The following ACOX3 variants were observed in gnomAD, a reference collection of about 807,000 sequenced individuals.
The protein encoded by ACOX3 is acyl-CoA oxidase 3, pristanoyl.
ACOX3 carries 73 observed loss-of-function variants against 81.5 expected under a neutral mutation model. That is an observed-to-expected ratio of 0.90 (90% CI 0.74 to 1.09). The LOEUF is 1.09. Ranked by LOEUF, ACOX3 falls within the 50% of genes least tolerant of loss-of-function variation. ACOX3 has a pLI of 0.00. For synonymous variants in ACOX3, 387 were observed against 375.1 expected (o/e 1.03, Z -0.37); for missense variants, 947 against 928.0 (o/e 1.02, Z -0.27).
At chr4:8,411,995 A>G (rs1721771418) in intron 5 of ACOX3, among the ~76,000 whole-genome samples, 1 of 152,186 alleles carries the variant, frequency 6.6e-6, no homozygotes, top group Non-Finnish European at 1.5e-5. Context: ...AATGCCAAAA[A>G]GAAGGAGGTG....
At position 8,414,820 on chromosome 4, in the gene ACOX3, C is replaced by A. The variant is rs776818766; in HGVS notation, c.453+34G>T. On this transcript the variant is annotated intron_variant, in intron 4 of 17. Coordinates refer to ENST00000356406, the MANE Select transcript of ACOX3 (RefSeq NM_003501.3). The surrounding 1 kb of genome is among the most constrained non-coding windows in gnomAD (Gnocchi z 6.1). The stretch of plus-strand genomic sequence containing the variant: ...TCTCTACAGAGATCAAGCAAGAGAA[C>A]CAGGCTCACAATTTACCATGAACCA... 1.3e-6 allele frequency: 2 copies of A among 1,594,576 alleles called. No homozygotes were observed. Among genetic ancestry groups the A allele is most frequent in the Admixed American group, 1.7e-5 (1 of 59,986 alleles).
rs1366793734 is a variant in ACOX3, at chr4:8,400,924, T to C, written c.777-1272A>G. On this transcript the variant is annotated intron_variant, in intron 7 of 17. Coordinates refer to ENST00000356406, the MANE Select transcript of ACOX3 (RefSeq NM_003501.3). This position sits in a 1 kb window ranked among gnomAD's most constrained non-coding sequence, Gnocchi z 4.4. ...ATGGTAACACATAATGAAATGATTA[T>C]ACAATTAGCCATAATGCAAAATTGC... Among the ~76,000 whole-genome samples the C allele has an allele frequency of 1.3e-5, 2 of 151,460 alleles. No homozygotes were observed. Among genetic ancestry groups the C allele is most frequent in the Non-Finnish European group, 1.5e-5 (1 of 67,960 alleles).
chr4:8,372,559 C>CATCGA (rs1716350071), intron 16 of ACOX3, among the ~76,000 whole-genome samples: 1 of 152,240 alleles, frequency 6.6e-6, no homozygotes, highest in East Asian at 1.9e-4. Context: ...AAAACCCCTC[C>CATCGA]CTGTGGCCAG....
Position 8,366,786 on chromosome 4 carries a change from G to C in ACOX3, c.*175C>G. ...CGATCCCAGATTAGTCCAGCCGGCC[G>C]GGTGCCTCCCTCCCGTCCGCCTGGG... On this transcript the variant is annotated 3_prime_UTR_variant, in exon 18 of 18. Transcript: ENST00000356406. The C allele has an allele frequency of 1.3e-6, 1 of 757,292 alleles. No homozygotes were observed. The highest frequency in any genetic ancestry group is 2.0e-6 in the Non-Finnish European group (1 of 491,854). The allele number at this position is 757,292 out of a possible 1,614,324, so 46.9% of individuals were successfully genotyped here.
Position 8,366,825 on chromosome 4 carries a change from T to C in ACOX3, c.*136A>G. 2 of 1,293,918 alleles carry C rather than the reference T, an allele frequency of 1.5e-6. No homozygotes were observed. The highest frequency in any genetic ancestry group is 4.2e-5 in the Admixed American group (2 of 47,772). The allele number at this position is 1,293,918 out of a possible 1,614,324, so 80.2% of individuals were successfully genotyped here. ...CGTCCGCCTGGGCAGTTGAGGCCAATCAGCAGTTTAGGCGCACAGGTGCGG... is the reference window on the plus strand; with the variant it reads ...CGTCCGCCTGGGCAGTTGAGGCCAACCAGCAGTTTAGGCGCACAGGTGCGG... On this transcript the variant is annotated 3_prime_UTR_variant, in exon 18 of 18. Coordinates refer to ENST00000356406, the MANE Select transcript of ACOX3 (RefSeq NM_003501.3).
chr4:8,417,377 G>A (rs1454504587), intron 1 of ACOX3, among the ~76,000 whole-genome samples: 2 of 152,254 alleles, frequency 1.3e-5, no homozygotes, highest in African/African-American at 2.4e-5. Flanking sequence ...CCTCTGTGCA[G>A]GGAGGTGGGA....
Position 8,430,256 on chromosome 4 carries a change from C to T in ACOX3, c.-15+10392G>A, listed in dbSNP as rs143865702. Among the ~76,000 whole-genome samples the T allele has an allele frequency of 1.2e-4, 18 of 152,320 alleles. No homozygotes were observed. Among genetic ancestry groups the T allele is most frequent in the African/African-American group, 3.6e-4 (15 of 41,562 alleles). ...GAAGGAAGGGACTGAAAGATCATTT[C>T]GGGCCTGGCAGGTACCCTGCTAAGC... On this transcript the variant is annotated intron_variant, in intron 1 of 17. Coordinates refer to ENST00000356406, the MANE Select transcript of ACOX3 (RefSeq NM_003501.3). The surrounding 1 kb of genome is among the most constrained non-coding windows in gnomAD (Gnocchi z 5.2).
At position 8,415,956 on chromosome 4, in the gene ACOX3, C is replaced by T. The variant is rs139211797; in HGVS notation, c.188G>A (p.Arg63His). The change falls in exon 3 of 18, where the codon CGT (arginine) becomes CAT (histidine). Residue 63 changes from arginine to histidine, a missense_variant. Arg to His is a conservative substitution (Grantham distance 29, BLOSUM62 0). Transcript: ENST00000356406. ...CAAGGACAGATCGGCTCCAGGGGAA[C>T]GAGCGAAAAGAGGGTCATTCTCAAG... ...SALENDPLFA[R>H]SPGADLSLEK... 1.1e-4 allele frequency: 170 copies of T among 1,614,130 alleles called. No homozygotes were observed. In the African/African-American group the frequency reaches 1.4e-3, roughly 13 times the overall value.
At chr4:8,360,961 C>T in the ACOX3 span, among the ~76,000 whole-genome samples, 2 of 152,084 alleles carry the variant, frequency 1.3e-5, no homozygotes, top group East Asian at 3.9e-4. Context: ...CCAAGGTTTT[C>T]ACCAAGAGTA....
chr4:8,408,406 G>A (rs543399147), intron 6 of ACOX3, among the ~76,000 whole-genome samples: 192 of 152,308 alleles, frequency 1.3e-3, no homozygotes, highest in Non-Finnish European at 1.9e-3. Context: ...GCAGGAGGCC[G>A]TGGCTCTGGG....
downstream of ACOX3, among the ~76,000 whole-genome samples, chr4:8,364,295 C>T (rs934164757): frequency 1.3e-5 from 2 of 152,350 alleles, no homozygotes; most frequent in African/African-American, 2.4e-5. This position sits in a 1 kb window ranked among gnomAD's most constrained non-coding sequence, Gnocchi z 5.0. Flanking sequence ...GGCTGTGTCA[C>T]AGGTCATAGT....
Position 8,414,746 on chromosome 4 carries a change from AGCATAAGCCCCCTGG to A in ACOX3, c.453+93_453+107del. On this transcript the variant is annotated intron_variant, in intron 4 of 17. Transcript: ENST00000356406. The surrounding 1 kb of genome is among the most constrained non-coding windows in gnomAD (Gnocchi z 6.1). ...CCTGAGAACACTAGGAAACAAGAAG[AGCATAAGCCCCCTGG>A]GCACCCCCTTCTACAATCTTCTCTT... 1 of 1,069,284 alleles carries A rather than the reference AGCATAAGCCCCCTGG, an allele frequency of 9.4e-7. No homozygotes were observed. The highest frequency in any genetic ancestry group is 1.3e-5 in the South Asian group (1 of 74,928). 66.2% of individuals were successfully genotyped at this position (1,069,284 alleles called of 1,614,324 possible).
rs1716075558 is a variant in ACOX3 at position 8,370,693 on chromosome 4, AGG to A, written c.1983+213_1983+214del. Among the ~76,000 whole-genome samples the A allele has an allele frequency of 6.6e-6, 1 of 152,116 alleles. No homozygotes were observed. Among genetic ancestry groups the A allele is most frequent in the Non-Finnish European group, 1.5e-5 (1 of 68,000 alleles). On this transcript the variant is annotated intron_variant, in intron 17 of 17. Transcript: ENST00000356406. This position sits in a 1 kb window ranked among gnomAD's most constrained non-coding sequence, Gnocchi z 6.3. ...CCCATCTCGGGAGGAAAAGGCAGGC[AGG>A]GGATGGGCAAGTCCCCTGCAACCAC...
chr4:8,361,997 C>A (rs1254410294), downstream of ACOX3, among the ~76,000 whole-genome samples: 2 of 152,214 alleles, frequency 1.3e-5, no homozygotes, highest in Non-Finnish European at 2.9e-5. Context: ...AAAATCATTG[C>A]ATGCCACAAA....
chr4:8,412,232 C>A (rs887516551), intron 5 of ACOX3, among the ~76,000 whole-genome samples: 1 of 152,232 alleles, frequency 6.6e-6, no homozygotes, highest in Non-Finnish European at 1.5e-5. Context: ...TCTCCTAGCC[C>A]CACTCTGAGA....
chr4:8,356,376 C>T, the ACOX3 span: 47 of 377,262 alleles, frequency 1.2e-4, no homozygotes, highest in Admixed American at 7.9e-4. Context: ...GCCACTGGGA[C>T]CAACTCACGC....
Position 8,386,014 on chromosome 4 carries a change from T to C in ACOX3, c.1537+3159A>G, listed in dbSNP as rs961482861. ...TTGCATCTTGTAAATATTAGAGCAG[T>C]TGCAGAAAAGCAGATGACTTTGGTG... is the stretch of plus-strand genomic sequence containing the variant. On this transcript the variant is annotated intron_variant, in intron 13 of 17. Coordinates refer to ENST00000356406, the MANE Select transcript of ACOX3 (RefSeq NM_003501.3). The surrounding 1 kb of genome is among the most constrained non-coding windows in gnomAD (Gnocchi z 5.2). Among the ~76,000 whole-genome samples, 1 of 152,352 alleles carries C rather than the reference T, an allele frequency of 6.6e-6. No homozygotes were observed. Among genetic ancestry groups the C allele is most frequent in the Non-Finnish European group, 1.5e-5 (1 of 68,038 alleles).
chr4:8,395,628 G>A (rs1719608616), intron 9 of ACOX3, among the ~76,000 whole-genome samples: 1 of 152,230 alleles, frequency 6.6e-6, no homozygotes, highest in South Asian at 2.1e-4. Context: ...AAAGGCTAAG[G>A]ACCTTGCCTG....
Position 8,431,425 on chromosome 4 carries a change from G to C in ACOX3, c.-15+9223C>G, listed in dbSNP as rs1409477629. ...CACCGTGCTCCCCTCCTGGGCCTGA[G>C]GACACTGCTGACCTGCATCTGACAG... On this transcript the variant is annotated intron_variant, in intron 1 of 17. Coordinates refer to ENST00000356406, the MANE Select transcript of ACOX3 (RefSeq NM_003501.3). The surrounding 1 kb of genome is among the most constrained non-coding windows in gnomAD (Gnocchi z 5.3). Among the ~76,000 whole-genome samples, 1 of 152,186 alleles carries C rather than the reference G, an allele frequency of 6.6e-6. No individual in the cohort carries two copies. The highest frequency in any genetic ancestry group is 1.5e-5 in the Non-Finnish European group (1 of 68,040).
Sources: allele counts gnomAD v4.1 joint callset (sites outside exome capture counted in the v4.1 genomes callset), GRCh38; gene constraint gnomAD v4.1.1; non-coding constraint Gnocchi (gnomAD v3.1); transcripts MANE v1.5; gene names NCBI Gene and HGNC (gene_info 2026-07-23, HGNC 2026-07-21).